Variants in FAT1 observed in about 807,000 individuals in gnomAD.
FAT1 encodes the protein protocadherin Fat 1.
A neutral mutation model predicts 329.8 loss-of-function variants in FAT1; 171 were observed. The observed-to-expected ratio is 0.52, with a 90% CI of 0.46 to 0.59. The LOEUF (loss-of-function observed/expected upper bound fraction) is 0.59, where lower values mean the gene tolerates loss of function less well. Ranked by LOEUF, FAT1 falls within the 20% of genes least tolerant of loss-of-function variation. The pLI is 0.00. For missense variants in FAT1, 5,672 were observed against 5,774.4 expected (o/e 0.98, Z 0.57); for synonymous variants, 2,233 against 2,228.6 (o/e 1.00, Z -0.06).
chr4:186,645,409 A>C lies in FAT1; in HGVS notation c.3581-5626T>G, dbSNP rs1560962485. ...TATATATATATATATATATATATATATATATATATATATGCCTGTAAAAAA... is the reference window on the plus strand; with the variant it reads ...TATATATATATATATATATATATATCTATATATATATATGCCTGTAAAAAA... On this transcript the variant is annotated intron_variant, in intron 3 of 26. Transcript: ENST00000441802. Among the ~76,000 whole-genome samples the C allele has an allele frequency of 1.2e-3, 114 of 93,972 alleles. 2 individuals carry two copies. The highest frequency in any genetic ancestry group is 4.5e-3 in the African/African-American group (108 of 23,770). 61.6% of individuals were successfully genotyped at this position (93,972 alleles called of 152,430 possible).
At chr4:186,659,623 C>T (rs1408984056) in intron 3 of FAT1, among the ~76,000 whole-genome samples, 2 of 149,498 alleles carry the variant, frequency 1.3e-5, no homozygotes, top group Non-Finnish European at 3.0e-5. Flanking sequence ...CGCTGTGGCA[C>T]TTGTCCCCTG....
At chr4:186,672,190 ATG>A (rs1234491150) in intron 2 of FAT1, among the ~76,000 whole-genome samples, 2 of 152,328 alleles carry the variant, frequency 1.3e-5, no homozygotes, top group Non-Finnish European at 2.9e-5. Context: ...ATGTTCTATT[ATG>A]TGTGTATACA....
At chr4:186,660,405 T>C (rs1742114219) in intron 3 of FAT1, among the ~76,000 whole-genome samples, 1 of 152,216 alleles carries the variant, frequency 6.6e-6, no homozygotes, top group African/African-American at 2.4e-5. Flanking sequence ...AAAATACTGT[T>C]CTTCATCTTC....
intron 2 of FAT1, among the ~76,000 whole-genome samples, chr4:186,686,216 C>T (rs553508161): frequency 1.3e-5 from 2 of 150,754 alleles, no homozygotes; most frequent in Non-Finnish European, 1.5e-5. Flanking sequence ...AGTTTGTGCA[C>T]CATAATTATT....
At position 186,611,655 on chromosome 4, in the gene FAT1, T is replaced by C; in HGVS notation, c.9584A>G (p.Tyr3195Cys). Reference protein sequence around the residue: ...KPLDRELQAVYTLSLKAVDQG... With the variant: ...KPLDRELQAVCTLSLKAVDQG... ...ATCCACAGCTTTCAAAGAGAGGGTG[T>C]ATACTGCCTGGAGTTCTCTGTCCAA... is the stretch of plus-strand genomic sequence containing the variant. The change falls in exon 14 of 27, where the codon TAC becomes TGC. Residue 3195 changes from tyrosine (Y) to cysteine (C), a missense_variant. Physicochemically the swap from Tyr to Cys is radical, Grantham distance 194 (BLOSUM62 -2). Transcript: ENST00000441802. 5 of 1,612,996 alleles carry C rather than the reference T, an allele frequency of 3.1e-6. No homozygotes were observed. The highest frequency in any genetic ancestry group is 3.4e-6 in the Non-Finnish European group (4 of 1,179,438).
intron 1 of FAT1, among the ~76,000 whole-genome samples, chr4:186,710,745 G>C (rs188785448): frequency 1.6e-3 from 238 of 151,976 alleles, no homozygotes; most frequent in Non-Finnish European, 2.6e-3. Context: ...ATGAGAAGAT[G>C]ACACACACAC....
At position 186,618,263 on chromosome 4, in the gene FAT1, G is replaced by A. The variant is rs747465065; in HGVS notation, c.8323C>T (p.Gln2775Ter). The part of the protein sequence containing the change: ...SLDHETTKWY[Q>*]FSILARCTQD... ...GTGCACCTGGCCAGTATGGAAAACT[G>A]ATACCACTTAGTTGTCTCATGATCA... Residue 2775 changes from glutamine (Q) to a stop codon, truncating the protein, a stop_gained, in exon 10 of 27, where the codon CAG becomes TAG. Transcript: ENST00000441802. LOFTEE classifies it high-confidence loss of function. 2 of 1,613,994 alleles carry A rather than the reference G, an allele frequency of 1.2e-6. No homozygotes were observed. The highest frequency in any genetic ancestry group is 8.5e-7 in the Non-Finnish European group (1 of 1,179,886).
intron 3 of FAT1, among the ~76,000 whole-genome samples, chr4:186,642,668 G>T (rs1741158932): frequency 6.6e-6 from 1 of 152,226 alleles, no homozygotes; most frequent in Non-Finnish European, 1.5e-5. Context: ...GTGCTGCGAT[G>T]GGTGGCTAGG....
chr4:186,605,614 G>A (rs1348800347), intron 17 of FAT1, among the ~76,000 whole-genome samples: 1 of 145,164 alleles, frequency 6.9e-6, no homozygotes, highest in African/African-American at 2.6e-5. Context: ...AGGGAAGAGT[G>A]GGGAGGAGGA....
At chr4:186,724,746 C>G (rs949825598), upstream of FAT1, among the ~76,000 whole-genome samples, 2 of 152,196 alleles carry the variant, frequency 1.3e-5, no homozygotes, top group Non-Finnish European at 2.9e-5. The surrounding 1 kb of genome is among the most constrained non-coding windows in gnomAD (Gnocchi z 5.3). Context: ...CGGACTCGGC[C>G]GAAGCCCGGA....
At chr4:186,684,238 C>T (rs1743359087) in intron 2 of FAT1, among the ~76,000 whole-genome samples, 1 of 152,140 alleles carries the variant, frequency 6.6e-6, no homozygotes, top group Non-Finnish European at 1.5e-5. Flanking sequence ...TATTAAACTA[C>T]ATTCTCTTGT....
At chr4:186,720,509 T>C (rs1411907794) in intron 1 of FAT1, among the ~76,000 whole-genome samples, 1 of 152,158 alleles carries the variant, frequency 6.6e-6, no homozygotes, top group Non-Finnish European at 1.5e-5. Flanking sequence ...CATCATTTCC[T>C]CTGCTTGAAT....
intron 2 of FAT1, among the ~76,000 whole-genome samples, chr4:186,674,065 T>G: frequency 6.6e-6 from 1 of 152,226 alleles, no homozygotes; most frequent in East Asian, 1.9e-4. Flanking sequence ...TGTTTCAAAT[T>G]TCAGAAGATA....
chr4:186,594,576 T>C (rs1015585364), intron 26 of FAT1, among the ~76,000 whole-genome samples: 1 of 148,566 alleles, frequency 6.7e-6, no homozygotes, highest in African/African-American at 2.5e-5. Flanking sequence ...ATACACCCTA[T>C]TCCTAATCAA....
chr4:186,700,944 C>T (rs1328579180), intron 2 of FAT1, among the ~76,000 whole-genome samples: 2 of 152,180 alleles, frequency 1.3e-5, no homozygotes, highest in African/African-American at 4.8e-5. Context: ...TGTTTCCACC[C>T]CACACCTCCA....
chr4:186,713,888 C>T (rs1279839055), intron 1 of FAT1, among the ~76,000 whole-genome samples: 1 of 152,104 alleles, frequency 6.6e-6, no homozygotes, highest in East Asian at 1.9e-4. Context: ...GGTTTCACCA[C>T]GTTGCCCAGG....
intron 26 of FAT1, 28 bp downstream of exon 26, chr4:186,595,661 G>A (rs568172303): frequency 1.1e-5 from 18 of 1,611,964 alleles, no homozygotes; most frequent in African/African-American, 9.3e-5. Context: ...CAAGCAAAGC[G>A]CAGTGTTGCA....
rs933230086 is a variant in FAT1 at position 186,617,623 on chromosome 4, A to G, written c.8878+85T>C. The G allele has an allele frequency of 1.9e-5, 22 of 1,136,646 alleles. No homozygotes were observed. The African/African-American group carries it at 2.4e-4, about 12-fold the overall frequency. The allele number at this position is 1,136,646 out of a possible 1,614,324, so 70.4% of individuals were successfully genotyped here. On this transcript the variant is annotated intron_variant, in intron 10 of 26. Coordinates refer to ENST00000441802, the MANE Select transcript of FAT1 (RefSeq NM_005245.4). ...ACTAAAATCATCCCTTAAATCCCCA[A>G]TTTCCATACAATACAGATCTTATAC...
rs776652560 is a variant in FAT1, at chr4:186,597,664, T to G, written c.12368+18A>C. 6 of 1,598,154 alleles carry G rather than the reference T, an allele frequency of 3.8e-6. No individual in the cohort carries two copies. The highest frequency in any genetic ancestry group is 1.7e-4 in the Middle Eastern group (1 of 6,032). On this transcript the variant is annotated intron_variant, in intron 24 of 26. Coordinates refer to ENST00000441802, the MANE Select transcript of FAT1 (RefSeq NM_005245.4). ...CTATGAAAAGGTATGAACCTAAATT[T>G]TGAAAGAAACCATTTACCTTTCTCC...
Sources: allele counts gnomAD v4.1 joint callset (sites outside exome capture counted in the v4.1 genomes callset), GRCh38; gene constraint gnomAD v4.1.1; non-coding constraint Gnocchi (gnomAD v3.1); transcripts MANE v1.5; gene names NCBI Gene and HGNC (gene_info 2026-07-23, HGNC 2026-07-21).